ADAM15: variants seen among roughly 807,000 people sequenced by gnomAD.
ADAM15 encodes the protein ADAM metallopeptidase domain 15, also known as disintegrin and metalloproteinase domain-containing protein 15.
Under a neutral mutation model 113.8 loss-of-function variants are expected in ADAM15, and 77 were observed. The ratio of observed to expected loss-of-function variants is 0.68; its 90% CI spans 0.56 to 0.82. ADAM15 has a LOEUF of 0.82. ADAM15 is among the 40% of genes least tolerant of loss of function. The probability of loss-of-function intolerance (pLI) is 0.00; values close to 1 mark genes in which losing one functional copy is unlikely to be tolerated. For missense variants in ADAM15, 963 were observed against 1,120.1 expected, an observed-to-expected ratio of 0.86 and a Z score of 2.00; for synonymous variants, 388 against 454.1, an observed-to-expected ratio of 0.85 and a Z score of 1.85.
chr1:155,056,884 G>T lies in ADAM15; in HGVS notation c.1000-69G>T. On this transcript the variant is annotated intron_variant, in intron 10 of 22. Transcript: ENST00000356955. This position sits in a 1 kb window ranked among gnomAD's most constrained non-coding sequence, Gnocchi z 4.0. Reference sequence around the variant, plus strand: ...CAGACGTGGAGGGAACAGGAGCAGAGAGGGTGGTCTGGGCATTGTGGTGGA... The same window carrying T: ...CAGACGTGGAGGGAACAGGAGCAGATAGGGTGGTCTGGGCATTGTGGTGGA... The T allele has an allele frequency of 6.6e-7, 1 of 1,511,834 alleles. No individual in the cohort carries two copies. The allele number at this position is 1,511,834 out of a possible 1,614,324, so 93.7% of individuals were successfully genotyped here.
Position 155,054,476 on chromosome 1 carries a change from G to A in ADAM15, c.582G>A (p.Glu194=), listed in dbSNP as rs199668516. 1.0e-4 allele frequency: 159 copies of A among 1,596,312 alleles called. No individual in the cohort carries two copies. The highest frequency in any genetic ancestry group is 1.3e-4 in the Non-Finnish European group (150 of 1,169,386). Residue 194 remains glutamate (E), a synonymous_variant, in exon 6 of 23, where the codon GAG becomes GAA. Transcript: ENST00000356955. ...RESVHTQKPP[E]HPLGQRHIRR... is the part of the protein sequence containing the mutation. The stretch of plus-strand genomic sequence containing the variant: ...CTGTACACACTCAGAAGCCACCAGA[G>A]CACCCCCTGGGACAGCGCCACATTC...
At position 155,058,918 on chromosome 1, in the gene ADAM15, C is replaced by A. The variant is rs1051469637; in HGVS notation, c.1995+131C>A. The A allele has an allele frequency of 7.2e-6, 9 of 1,251,230 alleles. No homozygotes were observed. The South Asian group carries it at 7.9e-5, about 11-fold the overall frequency. 77.5% of individuals were successfully genotyped at this position (1,251,230 alleles called of 1,614,324 possible). The stretch of plus-strand genomic sequence containing the variant: ...TACTTCCCAGTTGTGTGACCTCGGG[C>A]AGGTTACTAACTTTGCTGAGCTCAG... On this transcript the variant is annotated intron_variant, in intron 16 of 22. Transcript: ENST00000356955. This position sits in a 1 kb window ranked among gnomAD's most constrained non-coding sequence, Gnocchi z 4.3.
Position 155,059,960 on chromosome 1 carries a change from C to T in ADAM15, c.2054C>T (p.Thr685Ile), listed in dbSNP as rs370807772. ...CEEGWAPPDC[T>I]TQLKATSSLT... ...GAGGGCTGGGCACCCCCTGACTGCA[C>T]CACTCAGCTCAAAGGTAGCATGGGG... is the stretch of plus-strand genomic sequence containing the variant. The change falls in exon 17 of 23, where the codon ACC (threonine) becomes ATC (isoleucine). Residue 685 changes from threonine to isoleucine, a missense_variant. Coordinates refer to ENST00000356955, the MANE Select transcript of ADAM15 (RefSeq NM_207197.3). 2.4e-5 allele frequency: 38 copies of T among 1,613,954 alleles called. No individual in the cohort carries two copies. The highest frequency in any genetic ancestry group is 3.2e-5 in the Non-Finnish European group (38 of 1,179,972).
chr1:155,053,114 C>A (rs905394531), intron 2 of ADAM15, among the ~76,000 whole-genome samples: 7 of 130,160 alleles, frequency 5.4e-5, no homozygotes, highest in African/African-American at 8.3e-5. Flanking sequence ...CAAACCCCCC[C>A]CCCCCCACCC....
At chr1:155,055,559 ACT>A (rs1661643359) in intron 6 of ADAM15, 3 of 574,958 alleles carry the variant, frequency 5.2e-6, no homozygotes, top group Non-Finnish European at 9.3e-6. Flanking sequence ...GAAAAAAACC[ACT>A]GAGTTTGGAG....
At chr1:155,051,852 G>C (rs557801478) in intron 1 of ADAM15, 1 of 193,008 alleles carries the variant, frequency 5.2e-6, no homozygotes, top group African/African-American at 2.4e-5. Flanking sequence ...CCAGGGCGCT[G>C]AGCGGGCATG....
rs1400657132 is a variant in ADAM15, at chr1:155,059,994, CA to C, written c.2068+21del. On this transcript the variant is annotated intron_variant, in intron 17 of 22. Coordinates refer to ENST00000356955, the MANE Select transcript of ADAM15 (RefSeq NM_207197.3). ...TCAAAGGTAGCATGGGGGTGGGGGA[CA>C]GGGGCAGCTGGGAGGGCAAAGCGTC... The C allele has an allele frequency of 3.1e-6, 5 of 1,613,372 alleles. No homozygotes were observed. In the African/African-American group the frequency reaches 4.0e-5, roughly 13 times the overall value.
Position 155,054,442 on chromosome 1 carries a change from G to A in ADAM15, c.548G>A (p.Trp183Ter). 6.2e-7 allele frequency: 1 copy of A among 1,613,368 alleles called. No individual in the cohort carries two copies. Among genetic ancestry groups the A allele is most frequent in the African/African-American group, 1.3e-5 (1 of 74,994 alleles). Residue 183 changes from tryptophan (W) to a stop codon, truncating the protein, a stop_gained, in exon 6 of 23, where the codon TGG (tryptophan) becomes TAG (stop). Transcript: ENST00000356955. LOFTEE classifies it high-confidence loss of function. ...HLPGHTCALS[W>*]RESVHTQKPP... ...CCAGGCCACACCTGTGCCCTGAGCTGGCGGGAATCTGTACACACTCAGAAG... is the reference window on the plus strand; with the variant it reads ...CCAGGCCACACCTGTGCCCTGAGCTAGCGGGAATCTGTACACACTCAGAAG...
At position 155,062,206 on chromosome 1, in the gene ADAM15, C is replaced by T. The variant is rs938970788; in HGVS notation, c.2425-39C>T. On this transcript the variant is annotated intron_variant, in intron 21 of 22. Transcript: ENST00000356955. This position sits in a 1 kb window ranked among gnomAD's most constrained non-coding sequence, Gnocchi z 7.0. ...GCGTTGGGGGTGGGCAACATGACAC[C>T]CCCCCACCTAAGCCGGCCTCCTGCC... 67 of 1,445,708 alleles carry T rather than the reference C, an allele frequency of 4.6e-5. No individual in the cohort carries two copies. The highest frequency in any genetic ancestry group is 2.6e-4 in the Middle Eastern group (1 of 3,868). The allele number at this position is 1,445,708 out of a possible 1,614,324, so 89.6% of individuals were successfully genotyped here.
rs111613143 is a variant in ADAM15, at chr1:155,062,556, G to A, written c.*54G>A. 6.3e-7 allele frequency: 1 copy of A among 1,596,614 alleles called. No individual in the cohort carries two copies. The highest frequency in any genetic ancestry group is 1.3e-5 in the African/African-American group (1 of 74,724). ...CCGGACTTAGGGCTTCAAGAGGCGG[G>A]CGTGCCCTCTGGAGTCCCCTACCAT... On this transcript the variant is annotated 3_prime_UTR_variant, in exon 23 of 23. Coordinates refer to ENST00000356955, the MANE Select transcript of ADAM15 (RefSeq NM_207197.3). This position sits in a 1 kb window ranked among gnomAD's most constrained non-coding sequence, Gnocchi z 7.0.
Position 155,056,250 on chromosome 1 carries a change from G to A in ADAM15, c.914+1G>A, listed in dbSNP as rs769548805. ...CCCATGACAGTGCCCAGCTGGTGAC[G>A]TAAGGGCCCCAGACTCAGCCAGAGA... On this transcript the variant is annotated splice_donor_variant, in intron 9 of 22. Transcript: ENST00000356955. LOFTEE classifies it high-confidence loss of function. This position sits in a 1 kb window ranked among gnomAD's most constrained non-coding sequence, Gnocchi z 4.0. The A allele has an allele frequency of 9.9e-6, 16 of 1,613,688 alleles. No homozygotes were observed. The highest frequency in any genetic ancestry group is 8.8e-5 in the South Asian group (8 of 91,078).
At chr1:155,055,890 C>T (rs763605615) in intron 7 of ADAM15, 38 bp downstream of exon 7, 2 of 1,614,214 alleles carry the variant, frequency 1.2e-6, no homozygotes, top group South Asian at 2.2e-5. Context: ...CCTCCCCCTG[C>T]ACTGCCCTGC....
chr1:155,056,375 C>G lies in ADAM15; in HGVS notation c.915-11C>G, dbSNP rs765645598. 1 of 1,613,980 alleles carries G rather than the reference C, an allele frequency of 6.2e-7. No individual in the cohort carries two copies. Reference sequence around the variant, plus strand: ...CTTCTGGCCCTGAACTTTAGCCTCTCTGTCCCACAGTGGTACTTCATTCTC... The same window carrying G: ...CTTCTGGCCCTGAACTTTAGCCTCTGTGTCCCACAGTGGTACTTCATTCTC... On this transcript the variant is annotated splice_polypyrimidine_tract_variant and intron_variant, in intron 9 of 22. Coordinates refer to ENST00000356955, the MANE Select transcript of ADAM15 (RefSeq NM_207197.3). This position sits in a 1 kb window ranked among gnomAD's most constrained non-coding sequence, Gnocchi z 4.0.
At chr1:155,055,725 C>A in intron 6 of ADAM15, 65 bp from the exon 7 acceptor site, 1 of 1,583,592 alleles carries the variant, frequency 6.3e-7, no homozygotes, top group South Asian at 1.1e-5. Flanking sequence ...GCCTCTTGGT[C>A]AGCCCGGCAC....
intron 18 of ADAM15, 121 bp downstream of exon 18, chr1:155,060,464 C>A: frequency 7.2e-7 from 1 of 1,387,392 alleles, no homozygotes; most frequent in Non-Finnish European, 9.9e-7. Flanking sequence ...CTTAAAGTTG[C>A]TGACTGCCAT....
At position 155,062,065 on chromosome 1, in the gene ADAM15, GC is replaced by G; in HGVS notation, c.2424+95del. The G allele has an allele frequency of 1.4e-6, 2 of 1,479,054 alleles. No individual in the cohort carries two copies. The highest frequency in any genetic ancestry group is 1.8e-6 in the Non-Finnish European group (2 of 1,113,196). 91.6% of individuals were successfully genotyped at this position (1,479,054 alleles called of 1,614,324 possible). On this transcript the variant is annotated intron_variant, in intron 21 of 22. Transcript: ENST00000356955. This position sits in a 1 kb window ranked among gnomAD's most constrained non-coding sequence, Gnocchi z 7.0. ...ATGACGGTGGTGGCCGTGGCGAGAT[GC>G]CCCCTCAGTGCATGAGGGCACATAT... is the stretch of plus-strand genomic sequence containing the variant.
chr1:155,061,815 A>G, intron 20 of ADAM15, 89 bp from the exon 21 acceptor site: 1 of 1,359,408 alleles, frequency 7.4e-7, no homozygotes, highest in Non-Finnish European at 1.0e-6. Context: ...CTGACTTTGC[A>G]TGTTGACTTG....
chr1:155,060,889 GC>G, intron 19 of ADAM15, 57 bp downstream of exon 19: 3 of 1,516,702 alleles, frequency 2.0e-6, no homozygotes, highest in Non-Finnish European at 2.7e-6. Flanking sequence ...TCCAGCTTGG[GC>G]CCTGGGGGGT....
chr1:155,061,154 T>C (rs749823769), intron 19 of ADAM15: 12 of 578,788 alleles, frequency 2.1e-5, no homozygotes, highest in Non-Finnish European at 3.4e-5. Context: ...GTGCTCAGAA[T>C]GGCCTTCCGT....
Sources: gnomAD v4.1 joint callset for allele counts (sites outside exome capture counted in the v4.1 genomes callset) on GRCh38, gnomAD v4.1.1 for gene constraint, Gnocchi (gnomAD v3.1) non-coding constraint, MANE v1.5 for transcripts, NCBI Gene and HGNC (gene_info 2026-07-23, HGNC 2026-07-21) for gene names.